RBFOX1: variants seen among roughly 807,000 people sequenced by gnomAD.
RBFOX1 encodes RNA binding protein fox-1 homolog 1.
In RBFOX1, 8 loss-of-function variants were observed where a neutral mutation model predicts 57.7. The observed-to-expected ratio is 0.14, with a 90% CI of 0.08 to 0.25. The LOEUF is 0.25. RBFOX1 is among the 10% of genes least tolerant of loss of function. RBFOX1 has a pLI of 1.00. For synonymous variants in RBFOX1, 326 were observed against 222.4 expected (o/e 1.47, Z -4.15); for missense variants, 611 against 548.5 (o/e 1.11, Z -1.14).
chr16:7,321,472 A>G (rs535791959), intron 4 of RBFOX1, among the ~76,000 whole-genome samples: 46 of 152,272 alleles, frequency 3.0e-4, no homozygotes, highest in Non-Finnish European at 5.4e-4. Context: ...CAAAAAACAA[A>G]CAAACATGAA....
At chr16:7,186,178 G>A (rs1163416965) in intron 4 of RBFOX1, among the ~76,000 whole-genome samples, 1 of 149,402 alleles carries the variant, frequency 6.7e-6, no homozygotes, top group African/African-American at 2.5e-5. Context: ...ACATAAATAT[G>A]TATATAAATA....
intron 3 of RBFOX1, among the ~76,000 whole-genome samples, chr16:6,741,999 A>G (rs1356053552): frequency 6.6e-6 from 1 of 152,172 alleles, no homozygotes; most frequent in Non-Finnish European, 1.5e-5. Flanking sequence ...TGTTTTCACC[A>G]CAAAAATTAT....
At chr16:6,479,943 C>T (rs941451877) in intron 2 of RBFOX1, among the ~76,000 whole-genome samples, 8 of 150,172 alleles carry the variant, frequency 5.3e-5, no homozygotes, top group African/African-American at 9.8e-5. Flanking sequence ...CTCAGCTACT[C>T]GGGAGGCTGA....
At chr16:5,986,767 C>T (rs1217604262) in intron 4 of RBFOX1, among the ~76,000 whole-genome samples, 3 of 152,196 alleles carry the variant, frequency 2.0e-5, no homozygotes, top group Non-Finnish European at 4.4e-5. Context: ...TACACAGTTG[C>T]ACTGTTCACT....
chr16:5,994,214 T>C (rs145592949), intron 4 of RBFOX1, among the ~76,000 whole-genome samples: 1 of 152,368 alleles, frequency 6.6e-6, no homozygotes, highest in African/African-American at 2.4e-5. Context: ...CAGGTTGAAG[T>C]ACAGTGGTGC....
In RBFOX1 at chr16:6,391,659, G is replaced by A. The variant is rs540891549; in HGVS notation, c.-64+74602G>A. 1.5e-4 allele frequency among the ~76,000 whole-genome samples: 23 copies of A among 152,306 alleles called. No individual in the cohort carries two copies. In the South Asian group the frequency reaches 4.8e-3, roughly 32 times the overall value. ...GAGAGAGGTTATAATTGCCTTGATG[G>A]AAGGTGATAGTCATGGGAAGAAAGT... On this transcript the variant is annotated intron_variant, in intron 2 of 15. Transcript: ENST00000550418.
At chr16:6,091,660 T>A (rs372325629) in intron 1 of RBFOX1, among the ~76,000 whole-genome samples, 17 of 152,238 alleles carry the variant, frequency 1.1e-4, no homozygotes, top group African/African-American at 4.1e-4. Flanking sequence ...GGAAACCCCA[T>A]CTTTACTAAA....
chr16:6,231,919 CAAT>C (rs1567732071), intron 1 of RBFOX1, among the ~76,000 whole-genome samples: 2 of 126,772 alleles, frequency 1.6e-5, no homozygotes, highest in African/African-American at 6.4e-5. Flanking sequence ...TACATCAAAA[CAAT>C]AGTCTGTACA....
chr16:6,026,478 A>C lies in RBFOX1; in HGVS notation c.-127+6486A>C, dbSNP rs1003411946. ...ATTTTGAACCTGACAGTCTGAGTCC[A>C]CAGCCCCTGATGCTCATCACTGTGC... On this transcript the variant is annotated intron_variant, in intron 1 of 15. Transcript: ENST00000550418. Among the ~76,000 whole-genome samples, 121 of 152,234 alleles carry C rather than the reference A, an allele frequency of 7.9e-4. 1 individual carries two copies. Among genetic ancestry groups the C allele is most frequent in the African/African-American group, 2.7e-3 (113 of 41,470 alleles).
rs752307857 is a variant in RBFOX1, at chr16:5,301,347, C to T, written c.219+61242C>T. 5.3e-5 allele frequency among the ~76,000 whole-genome samples: 8 copies of T among 152,020 alleles called. No homozygotes were observed. The South Asian group carries it at 6.2e-4, about 12-fold the overall frequency. ...ATATAAGTGAGCTTAGGGCTAGGTG[C>T]GGTGGCTCATGCCTGTAATACCAGC... On this transcript the variant is annotated intron_variant, in intron 1 of 2. Coordinates refer to the RBFOX1 transcript ENST00000585867.
intron 2 of RBFOX1, among the ~76,000 whole-genome samples, chr16:6,407,355 ATATATC>A (rs553278011): frequency 7.9e-4 from 121 of 152,218 alleles, no homozygotes; most frequent in Non-Finnish European, 1.2e-3. Flanking sequence ...ATGTCTATGT[ATATATC>A]TATATCTATA....
chr16:5,406,856 C>T (rs1454236303), intron 1 of RBFOX1, among the ~76,000 whole-genome samples: 1 of 152,136 alleles, frequency 6.6e-6, no homozygotes, highest in African/African-American at 2.4e-5. Context: ...GGGCACTCAC[C>T]AGCGTGAAGA....
At chr16:5,846,445 G>T (rs1000707654) in intron 3 of RBFOX1, among the ~76,000 whole-genome samples, 1 of 152,078 alleles carries the variant, frequency 6.6e-6, no homozygotes. Context: ...GTGATTATTC[G>T]ACAAGTGTTC....
At chr16:6,874,395 A>C (rs1005767549) in intron 3 of RBFOX1, among the ~76,000 whole-genome samples, 1 of 151,622 alleles carries the variant, frequency 6.6e-6, no homozygotes, top group Admixed American at 6.6e-5. Context: ...CTGTAGTCCC[A>C]GCTACTTAGG....
intron 4 of RBFOX1, among the ~76,000 whole-genome samples, chr16:7,111,871 T>A (rs367704080): frequency 1.3e-5 from 2 of 152,154 alleles, no homozygotes; most frequent in South Asian, 4.1e-4. Context: ...AATTGATCAG[T>A]TGAATTGAAA....
chr16:6,016,238 A>T (rs78940158), upstream of RBFOX1, among the ~76,000 whole-genome samples: 218 of 152,324 alleles, frequency 1.4e-3, no homozygotes, highest in East Asian at 0.013. Context: ...AGGAGTTCGC[A>T]AGAACACCTT....
At chr16:6,886,934 C>G (rs546085043) in intron 3 of RBFOX1, among the ~76,000 whole-genome samples, 1 of 152,186 alleles carries the variant, frequency 6.6e-6, no homozygotes, top group East Asian at 1.9e-4. Context: ...GGAAGCAAAA[C>G]CGTGTCTTTG....
intron 4 of RBFOX1, among the ~76,000 whole-genome samples, chr16:7,222,682 G>T (rs865991882): frequency 3.3e-5 from 5 of 152,124 alleles, no homozygotes; most frequent in African/African-American, 1.2e-4. Context: ...TAAGGTTGTC[G>T]TGCAAATTAC....
At chr16:7,696,830 G>C (rs1318511080) in intron 14 of RBFOX1, among the ~76,000 whole-genome samples, 2 of 152,128 alleles carry the variant, frequency 1.3e-5, no homozygotes, top group South Asian at 2.1e-4. Context: ...GGTAACATTT[G>C]AGCAGGGATC....
Sources: allele counts gnomAD v4.1 joint callset (sites outside exome capture counted in the v4.1 genomes callset), GRCh38; gene constraint gnomAD v4.1.1; transcripts MANE v1.5; gene names NCBI Gene and HGNC (gene_info 2026-07-23, HGNC 2026-07-21).